ZFHX3: variants seen among roughly 807,000 people sequenced by gnomAD.
ZFHX3 encodes zinc finger homeobox protein 3.
A neutral mutation model predicts 279.1 loss-of-function variants in ZFHX3; 42 were observed. The observed-to-expected ratio is 0.15, with a 90% confidence interval of 0.12 to 0.19. The LOEUF is 0.19. Among genes scored for constraint, ZFHX3 ranks in the 10% least tolerant of loss-of-function variants. The pLI is 1.00. For synonymous variants in ZFHX3, 2,293 were observed against 1,957.8 expected, an observed-to-expected ratio of 1.17 and a Z score of -4.52; for missense variants, 4,981 against 4,754.0, an observed-to-expected ratio of 1.05 and a Z score of -1.40.
chr16:73,682,482 A>G (rs1373472105), intron 1 of ZFHX3, among the ~76,000 whole-genome samples: 1 of 152,116 alleles, frequency 6.6e-6, no homozygotes, highest in Admixed American at 6.5e-5. Context: ...CATCTATTGC[A>G]CACTGATCTA....
intron 2 of ZFHX3, among the ~76,000 whole-genome samples, chr16:73,644,800 T>C (rs182510805): frequency 1.9e-3 from 288 of 152,264 alleles, no homozygotes; most frequent in Middle Eastern, 3.4e-3. Flanking sequence ...GGCTCCCTTT[T>C]CTGTGTGTTC....
At chr16:73,276,319 G>A (rs978754216) in intron 4 of ZFHX3, among the ~76,000 whole-genome samples, 3 of 151,912 alleles carry the variant, frequency 2.0e-5, no homozygotes, top group Non-Finnish European at 2.9e-5. Flanking sequence ...GAGTAGCTGG[G>A]ATTACAGGTG....
At chr16:73,607,327 G>A (rs563958325) in intron 2 of ZFHX3, among the ~76,000 whole-genome samples, 14 of 152,262 alleles carry the variant, frequency 9.2e-5, no homozygotes, top group South Asian at 2.1e-4. Flanking sequence ...ATGCCCAGCC[G>A]ATCTCATTCC....
At chr16:72,937,173 G>C (rs910625294) in intron 3 of ZFHX3, among the ~76,000 whole-genome samples, 3 of 152,154 alleles carry the variant, frequency 2.0e-5, no homozygotes, top group Non-Finnish European at 2.9e-5. Context: ...GCCAGGTGGG[G>C]AGCTGGATAC....
chr16:73,431,686 T>C (rs2017914698), intron 3 of ZFHX3, among the ~76,000 whole-genome samples: 1 of 152,270 alleles, frequency 6.6e-6, no homozygotes, highest in Non-Finnish European at 1.5e-5. Context: ...ATCTTTTATA[T>C]ACAATTCCAT....
At chr16:72,955,025 G>A (rs1422368999) in intron 2 of ZFHX3, among the ~76,000 whole-genome samples, 2 of 152,178 alleles carry the variant, frequency 1.3e-5, no homozygotes, top group African/African-American at 2.4e-5. Context: ...GAAAGTTATG[G>A]CTGTTTTTAT....
chr16:73,788,182 C>G (rs1023000475), intron 1 of ZFHX3, among the ~76,000 whole-genome samples: 3 of 152,174 alleles, frequency 2.0e-5, no homozygotes, highest in African/African-American at 7.2e-5. Context: ...ACAACCAATT[C>G]TGAGCCAGGT....
chr16:73,236,886 G>T (rs1448312703), intron 5 of ZFHX3, among the ~76,000 whole-genome samples: 1 of 152,182 alleles, frequency 6.6e-6, no homozygotes, highest in East Asian at 1.9e-4. Context: ...AAGCCACGCG[G>T]TACCTGAGAT....
chr16:72,992,502 C>T (rs1368991579), intron 1 of ZFHX3, among the ~76,000 whole-genome samples: 2 of 152,182 alleles, frequency 1.3e-5, no homozygotes, highest in East Asian at 1.9e-4. Flanking sequence ...ATTGCAGCTT[C>T]TAACTATGCT....
At chr16:73,667,917 C>T (rs2052861758) in intron 2 of ZFHX3, among the ~76,000 whole-genome samples, 1 of 152,214 alleles carries the variant, frequency 6.6e-6, no homozygotes, top group Admixed American at 6.5e-5. Flanking sequence ...CAAGTGCCAC[C>T]TTCTCTTGAG....
Position 73,726,259 on chromosome 16 carries a change from ATG to A in ZFHX3, c.-1607-46021_-1607-46020del, listed in dbSNP as rs541515610. Among the ~76,000 whole-genome samples the A allele has an allele frequency of 2.9e-3, 435 of 152,310 alleles. 1 individual carries two copies. Among genetic ancestry groups the A allele is most frequent in the African/African-American group, 9.7e-3 (403 of 41,564 alleles). On this transcript the variant is annotated intron_variant, in intron 1 of 17. Transcript: ENST00000641206. ...GCTGGCTCTTAAATTGTGAGGGTAA[ATG>A]TGTAACAAAGTGCGAGTCTCCTGAA...
intron 3 of ZFHX3, among the ~76,000 whole-genome samples, chr16:73,441,340 T>C (rs1359514599): frequency 6.6e-6 from 1 of 152,108 alleles, no homozygotes; most frequent in Admixed American, 6.5e-5. Context: ...ACATTCCCCC[T>C]CCTAACCTTT....
At chr16:73,340,544 G>GT (rs1395500676) in intron 3 of ZFHX3, among the ~76,000 whole-genome samples, 1 of 152,122 alleles carries the variant, frequency 6.6e-6, no homozygotes, top group Non-Finnish European at 1.5e-5. Flanking sequence ...TTGTGTGTGT[G>GT]TTTTTTGATT....
At chr16:73,511,201 G>A (rs892418147) in intron 2 of ZFHX3, among the ~76,000 whole-genome samples, 1 of 152,188 alleles carries the variant, frequency 6.6e-6, no homozygotes, top group Non-Finnish European at 1.5e-5. Context: ...AAAGTTCCTC[G>A]CAAGTTCCAG....
intron 7 of ZFHX3, among the ~76,000 whole-genome samples, chr16:72,800,413 A>G (rs1454013328): frequency 6.6e-6 from 1 of 152,202 alleles, no homozygotes. Flanking sequence ...ATCACTGACA[A>G]TGTTTTGTCA....
chr16:73,603,699 A>G (rs1264065369), intron 2 of ZFHX3, among the ~76,000 whole-genome samples: 1 of 151,980 alleles, frequency 6.6e-6, no homozygotes, highest in Non-Finnish European at 1.5e-5. Flanking sequence ...GAATACATTA[A>G]TTATTATATC....
intron 2 of ZFHX3, among the ~76,000 whole-genome samples, chr16:73,675,350 G>A (rs1462725538): frequency 1.3e-5 from 2 of 151,458 alleles, no homozygotes; most frequent in Non-Finnish European, 2.9e-5. Flanking sequence ...CTAAATAGAA[G>A]AAAAAAATGT....
chr16:73,131,284 G>A (rs1966674623), intron 6 of ZFHX3, among the ~76,000 whole-genome samples: 1 of 152,108 alleles, frequency 6.6e-6, no homozygotes. Flanking sequence ...AAAAACAACT[G>A]CCTTTGTGAA....
rs750030281 is a variant in ZFHX3, at chr16:72,785,432, T to C, written c.*1732A>G. On this transcript the variant is annotated 3_prime_UTR_variant, in exon 10 of 10. Coordinates refer to ENST00000268489, the MANE Select transcript of ZFHX3 (RefSeq NM_006885.4). ...AGTAAAAAATGTGTCTTTTGGTATATGGAATTGTCATTAACATTTGCCTCT... is the reference window on the plus strand; with the variant it reads ...AGTAAAAAATGTGTCTTTTGGTATACGGAATTGTCATTAACATTTGCCTCT... 3.9e-5 allele frequency: 6 copies of C among 152,660 alleles called. No individual in the cohort carries two copies. The highest frequency in any genetic ancestry group is 7.3e-5 in the Non-Finnish European group (5 of 68,036). The allele number at this position is 152,660 out of a possible 1,614,324, so 9.5% of individuals were successfully genotyped here.
Sources: allele counts gnomAD v4.1 joint callset (sites outside exome capture counted in the v4.1 genomes callset), GRCh38; gene constraint gnomAD v4.1.1; transcripts MANE v1.5; gene names NCBI Gene and HGNC (gene_info 2026-07-23, HGNC 2026-07-21).